IPMK: variants seen among roughly 807,000 people sequenced by gnomAD.
IPMK encodes the protein inositol polyphosphate multikinase.
Under a neutral mutation model 45.8 loss-of-function variants are expected in IPMK, and 17 were observed. That is an observed-to-expected ratio of 0.37 (90% CI 0.25 to 0.56). IPMK has a LOEUF of 0.56. Ranked by LOEUF, IPMK falls within the 20% of genes least tolerant of loss-of-function variation. The probability of loss-of-function intolerance (pLI) is 0.79; values close to 1 mark genes in which losing one functional copy is unlikely to be tolerated. For synonymous variants in IPMK, 180 were observed against 184.3 expected (o/e 0.98, Z 0.19); for missense variants, 399 against 498.0 (o/e 0.80, Z 1.89).
intron 1 of IPMK, among the ~76,000 whole-genome samples, chr10:58,244,353 G>C (rs1352903161): frequency 7.5e-5 from 11 of 145,788 alleles, no homozygotes; most frequent in African/African-American, 2.8e-4. Flanking sequence ...CTGCCCGGCC[G>C]CCCCCTCTGG....
chr10:58,252,197 A>C (rs1406903479), intron 1 of IPMK, among the ~76,000 whole-genome samples: 1 of 152,220 alleles, frequency 6.6e-6, no homozygotes, highest in East Asian at 1.9e-4. Context: ...TCTTGTAGTT[A>C]CAACAGGTTA....
chr10:58,263,494 A>G (rs904002246), intron 1 of IPMK, among the ~76,000 whole-genome samples: 1 of 151,160 alleles, frequency 6.6e-6, no homozygotes, highest in African/African-American at 2.5e-5. Context: ...ACTGTTCTCC[A>G]GCCTGGGCAA....
intron 3 of IPMK, among the ~76,000 whole-genome samples, chr10:58,225,762 T>C (rs1838404544): frequency 1.3e-5 from 2 of 152,278 alleles, no homozygotes; most frequent in African/African-American, 2.4e-5. Context: ...CATTGGAATC[T>C]AGATACTGTA....
chr10:58,265,695 C>T (rs758212664), intron 1 of IPMK, among the ~76,000 whole-genome samples: 11 of 152,086 alleles, frequency 7.2e-5, no homozygotes, highest in Non-Finnish European at 1.3e-4. Context: ...ACACTGAATG[C>T]CATAATAAAA....
chr10:58,266,569 G>A (rs997961205), intron 1 of IPMK, among the ~76,000 whole-genome samples: 2 of 152,076 alleles, frequency 1.3e-5, no homozygotes, highest in African/African-American at 4.8e-5. Flanking sequence ...TGTCTCTAGT[G>A]GCTCTTCCGG....
intron 1 of IPMK, among the ~76,000 whole-genome samples, chr10:58,245,872 T>C (rs1838791733): frequency 7.1e-6 from 1 of 141,534 alleles, no homozygotes; most frequent in Non-Finnish European, 1.5e-5. Context: ...TTGTCCCTGT[T>C]TGCAGACGAC....
At chr10:58,251,123 C>T (rs1428693048) in intron 1 of IPMK, among the ~76,000 whole-genome samples, 3 of 152,158 alleles carry the variant, frequency 2.0e-5, no homozygotes, top group Non-Finnish European at 4.4e-5. Flanking sequence ...ATTCTGACAT[C>T]AGTGTTTATT....
intron 4 of IPMK, among the ~76,000 whole-genome samples, chr10:58,208,511 C>A (rs1349706487): frequency 6.6e-6 from 1 of 152,022 alleles, no homozygotes; most frequent in Admixed American, 6.6e-5. Flanking sequence ...TTTTTATTTA[C>A]TTTTTCTCTC....
chr10:58,243,465 G>A (rs998779443), intron 1 of IPMK, among the ~76,000 whole-genome samples: 1 of 152,174 alleles, frequency 6.6e-6, no homozygotes, highest in African/African-American at 2.4e-5. Flanking sequence ...GCTGCCTCGG[G>A]CTCGGGTGAT....
intron 3 of IPMK, among the ~76,000 whole-genome samples, chr10:58,220,722 C>A (rs1338983352): frequency 6.6e-6 from 1 of 152,182 alleles, no homozygotes; most frequent in Non-Finnish European, 1.5e-5. Flanking sequence ...ACTGTCAAGG[C>A]ACACAGGTGA....
intron 1 of IPMK, among the ~76,000 whole-genome samples, chr10:58,242,438 C>T (rs564059091): frequency 4.6e-4 from 61 of 133,592 alleles, no homozygotes; most frequent in African/African-American, 9.8e-4. Context: ...CCAGCCTGGG[C>T]GACAGAGCGA....
rs894692770 is a variant in IPMK, at chr10:58,193,206, CAT to C, written c.*2868_*2869del. On this transcript the variant is annotated 3_prime_UTR_variant, in exon 6 of 6. Coordinates refer to ENST00000373935, the MANE Select transcript of IPMK (RefSeq NM_152230.5). ...CTTAAATGATGTTATAAATTTGATA[CAT>C]AGACTTGATAGACATAAGAACATCA... is the stretch of plus-strand genomic sequence containing the variant. The C allele has an allele frequency of 2.0e-5, 3 of 151,824 alleles. No homozygotes were observed. The highest frequency in any genetic ancestry group is 4.8e-5 in the African/African-American group (2 of 41,394). The allele number at this position is 151,824 out of a possible 1,614,324, so 9.4% of individuals were successfully genotyped here. A position where few individuals can be genotyped will look rare whatever the true frequency, so the allele number is the denominator to read the frequency against.
At chr10:58,211,919 A>AAAAAAAAAAAAAAAAAAAT (rs967150743) in intron 4 of IPMK, among the ~76,000 whole-genome samples, 1 of 148,186 alleles carries the variant, frequency 6.7e-6, no homozygotes, top group African/African-American at 2.6e-5. Context: ...AAAAAAAAAA[A>AAAAAAAAAAAAAAAAAAAT]AAAAAATTTG....
chr10:58,261,599 T>C (rs1028892895), intron 1 of IPMK, among the ~76,000 whole-genome samples: 5 of 152,034 alleles, frequency 3.3e-5, no homozygotes, highest in African/African-American at 4.8e-5. Context: ...TTGTTTTTTT[T>C]TTTTTAGACA....
chr10:58,256,538 T>C (rs2132177673), intron 1 of IPMK, among the ~76,000 whole-genome samples: 1 of 152,318 alleles, frequency 6.6e-6, no homozygotes, highest in East Asian at 1.9e-4. Flanking sequence ...GGCCTTGTGA[T>C]CTTGCTCTGC....
intron 4 of IPMK, among the ~76,000 whole-genome samples, chr10:58,215,925 C>G (rs72795657): frequency 1.3e-5 from 2 of 151,846 alleles, no homozygotes; most frequent in Admixed American, 1.3e-4. Context: ...TATCAATCAC[C>G]CTACTATGTT....
intron 1 of IPMK, among the ~76,000 whole-genome samples, chr10:58,265,019 A>G (rs1470973542): frequency 1.3e-5 from 2 of 152,216 alleles, no homozygotes; most frequent in African/African-American, 4.8e-5. Flanking sequence ...TCCGTGTACT[A>G]TACAATTTTT....
intron 1 of IPMK, among the ~76,000 whole-genome samples, chr10:58,256,621 C>T (rs1295453409): frequency 2.6e-5 from 4 of 152,118 alleles, no homozygotes; most frequent in African/African-American, 7.2e-5. Context: ...GTTCGTACCC[C>T]CCTCCCCTTT....
chr10:58,214,003 C>T (rs113951049), intron 4 of IPMK, among the ~76,000 whole-genome samples: 2,693 of 152,116 alleles, frequency 0.018, 87 homozygotes, highest in African/African-American at 0.059. Context: ...GTTGTAAAGC[C>T]GAGACAAGCT....
Sources: gnomAD v4.1 joint callset for allele counts (sites outside exome capture counted in the v4.1 genomes callset) on GRCh38, gnomAD v4.1.1 for gene constraint, MANE v1.5 for transcripts, NCBI Gene and HGNC (gene_info 2026-07-23, HGNC 2026-07-21) for gene names.